HSPBP1: variants seen among roughly 807,000 people sequenced by gnomAD.
HSPBP1 encodes hsp70-binding protein 1.
HSPBP1 carries 31 observed loss-of-function variants against 41.7 expected under a neutral mutation model. The observed-to-expected ratio is 0.74, with a 90% CI of 0.56 to 1.00. The LOEUF (loss-of-function observed/expected upper bound fraction) is 1.00, where lower values mean the gene tolerates loss of function less well. HSPBP1 is among the 50% of genes least tolerant of loss of function. The pLI is 0.00. For missense variants in HSPBP1, 439 were observed against 487.9 expected, an observed-to-expected ratio of 0.90 and a Z score of 0.94; for synonymous variants, 199 against 214.4, an observed-to-expected ratio of 0.93 and a Z score of 0.63.
Position 55,279,651 on chromosome 19 carries a change from G to A in HSPBP1, c.-43C>T, listed in dbSNP as rs751212487. ...GGGAAGAATGTGTTAGAGGGAGAAG[G>A]TGGTCACCGCTGAAGCAGCTCTGGC... On this transcript the variant is annotated 5_prime_UTR_variant, in exon 2 of 8. Coordinates refer to ENST00000433386, the MANE Select transcript of HSPBP1 (RefSeq NM_012267.5). The A allele has an allele frequency of 2.1e-5, 32 of 1,550,956 alleles. No individual in the cohort carries two copies. The highest frequency in any genetic ancestry group is 2.4e-5 in the Non-Finnish European group (28 of 1,148,682).
intron 3 of HSPBP1, 93 bp from the exon 4 acceptor site, chr19:55,274,715 C>G: frequency 9.6e-7 from 1 of 1,046,430 alleles, no homozygotes; most frequent in Non-Finnish European, 1.4e-6. Flanking sequence ...CCCCCAGTAC[C>G]TTGGAATGTG....
chr19:55,280,095 C>T lies in HSPBP1; in HGVS notation c.-155G>A. ...ACAAAGTCGTCCGCACCTGACTCTGCTGGGCGCCGCCATCTTAACCGGAAA... is the reference window on the plus strand; with the variant it reads ...ACAAAGTCGTCCGCACCTGACTCTGTTGGGCGCCGCCATCTTAACCGGAAA... On this transcript the variant is annotated 5_prime_UTR_variant, in exon 1 of 8. Coordinates refer to ENST00000433386, the MANE Select transcript of HSPBP1 (RefSeq NM_012267.5). The T allele has an allele frequency of 4.6e-6, 1 of 217,886 alleles. No homozygotes were observed. The highest frequency in any genetic ancestry group is 9.3e-6 in the Non-Finnish European group (1 of 107,904). 13.5% of individuals were successfully genotyped at this position (217,886 alleles called of 1,614,324 possible).
At chr19:55,265,451 T>G in intron 6 of HSPBP1, 62 bp from the exon 7 acceptor site, 6 of 1,253,194 alleles carry the variant, frequency 4.8e-6, no homozygotes, top group Non-Finnish European at 5.8e-6. Context: ...GACCCAACCC[T>G]ATCGCCCGCC....
Position 55,265,356 on chromosome 19 carries a change from C to G in HSPBP1, c.927G>C (p.Glu309Asp), listed in dbSNP as rs1199095248. 5.0e-6 allele frequency: 8 copies of G among 1,613,322 alleles called. No homozygotes were observed. The highest frequency in any genetic ancestry group is 6.8e-6 in the Non-Finnish European group (8 of 1,179,906). Residue 309 changes from glutamate (E) to aspartate (D), a missense_variant, in exon 7 of 8, where the codon GAG (glutamate) becomes GAC (aspartate). Physicochemically the swap from Glu to Asp is conservative, Grantham distance 45. Transcript: ENST00000433386. Reference sequence around the variant, plus strand: ...CCAGGCCCAGTTCCGGCTCCCGACACTCGCGCACACCCTGCGGAAAGTCTG... The same window carrying G: ...CCAGGCCCAGTTCCGGCTCCCGACAGTCGCGCACACCCTGCGGAAAGTCTG... ...LVTDFPQGVR[E>D]CREPELGLEE... is the part of the protein sequence containing the mutation.
intron 2 of HSPBP1, among the ~76,000 whole-genome samples, chr19:55,279,048 C>T (rs1220283852): frequency 6.6e-6 from 1 of 152,018 alleles, no homozygotes; most frequent in Admixed American, 6.6e-5. Flanking sequence ...AAAGTAGAAC[C>T]TCAGAACTAC....
intron 4 of HSPBP1, among the ~76,000 whole-genome samples, chr19:55,269,007 C>T (rs1428567568): frequency 6.6e-6 from 1 of 152,150 alleles, no homozygotes; most frequent in Non-Finnish European, 1.5e-5. Flanking sequence ...AAAGAACAGG[C>T]ATGCATGGAC....
intron 2 of HSPBP1, 113 bp downstream of exon 2, chr19:55,279,286 C>G: frequency 1.1e-6 from 1 of 889,754 alleles, no homozygotes; most frequent in Non-Finnish European, 1.7e-6. Flanking sequence ...GGTTTTCTGC[C>G]TCCCACCCAA....
chr19:55,279,599 C>G lies in HSPBP1; in HGVS notation c.10G>C (p.Glu4Gln), dbSNP rs2088177834. ...GGCAGGCGGCTCCCCCTTGAGCCTT[C>G]GTCTGACATGGGCCGTTTGTGAAGA... MSD[E>Q]GSRGSRLPLA... is the part of the protein sequence containing the mutation. The change falls in exon 2 of 8, where the codon GAA (glutamate) becomes CAA (glutamine). Residue 4 changes from glutamate to glutamine, a missense_variant. Physicochemically the swap from Glu to Gln is conservative, Grantham distance 29. Transcript: ENST00000433386. 1 of 1,589,782 alleles carries G rather than the reference C, an allele frequency of 6.3e-7. No individual in the cohort carries two copies. Among genetic ancestry groups the G allele is most frequent in the Non-Finnish European group, 8.6e-7 (1 of 1,168,340 alleles).
At position 55,262,456 on chromosome 19, in the gene HSPBP1, C is replaced by T. The variant is rs1235596760; in HGVS notation, c.*152G>A. 2.2e-5 allele frequency: 31 copies of T among 1,430,262 alleles called. No homozygotes were observed. The highest frequency in any genetic ancestry group is 2.6e-5 in the East Asian group (1 of 39,194). The allele number at this position is 1,430,262 out of a possible 1,614,324, so 88.6% of individuals were successfully genotyped here. A position where few individuals can be genotyped will look rare whatever the true frequency, so the allele number is the denominator to read the frequency against. On this transcript the variant is annotated 3_prime_UTR_variant, in exon 8 of 8. Transcript: ENST00000433386. ...TCCAAGGAGCTGGTGCCTTTCTCAG[C>T]GCCCCTTCCAGGGACTGCACAGAGA...
At position 55,265,261 on chromosome 19, in the gene HSPBP1, G is replaced by T; in HGVS notation, c.1005+17C>A. 1 of 1,507,206 alleles carries T rather than the reference G, an allele frequency of 6.6e-7. No individual in the cohort carries two copies. The highest frequency in any genetic ancestry group is 9.0e-7 in the Non-Finnish European group (1 of 1,113,304). The allele number at this position is 1,507,206 out of a possible 1,614,324, so 93.4% of individuals were successfully genotyped here. On this transcript the variant is annotated intron_variant, in intron 7 of 7. Coordinates refer to ENST00000433386, the MANE Select transcript of HSPBP1 (RefSeq NM_012267.5). ...TTGCACCTGGTCCTCCTTGCACCCC[G>T]TCCCCTCCCCATGTACCTGGTACTC... is the stretch of plus-strand genomic sequence containing the variant.
chr19:55,267,669 C>A (rs2087823846), intron 4 of HSPBP1, among the ~76,000 whole-genome samples: 1 of 152,144 alleles, frequency 6.6e-6, no homozygotes, highest in Non-Finnish European at 1.5e-5. Context: ...CCATGTTGGC[C>A]AGGCTGGTAT....
At chr19:55,274,936 C>T (rs1335713965) in intron 3 of HSPBP1, among the ~76,000 whole-genome samples, 3 of 152,178 alleles carry the variant, frequency 2.0e-5, no homozygotes, top group Non-Finnish European at 4.4e-5. Flanking sequence ...CTGCCCACAC[C>T]CTGATCTCAA....
Position 55,274,628 on chromosome 19 carries a change from C to T in HSPBP1, c.416-6G>A. On this transcript the variant is annotated splice_region_variant and splice_polypyrimidine_tract_variant and intron_variant, in intron 3 of 7. Coordinates refer to ENST00000433386, the MANE Select transcript of HSPBP1 (RefSeq NM_012267.5). ...GCCAGACAGCTGGCAGAAGTCTGTG[C>T]CACAGAGGGGAGCAGAGAGAGGCCA... The T allele has an allele frequency of 6.2e-7, 1 of 1,600,312 alleles. No homozygotes were observed. The highest frequency in any genetic ancestry group is 1.1e-5 in the South Asian group (1 of 90,692).
Position 55,265,362 on chromosome 19 carries a change from C to T in HSPBP1, c.921G>A (p.Val307=). The T allele has an allele frequency of 6.2e-7, 1 of 1,613,456 alleles. No homozygotes were observed. The highest frequency in any genetic ancestry group is 8.5e-7 in the Non-Finnish European group (1 of 1,179,890). Residue 307 remains valine (V), a synonymous_variant, in exon 7 of 8, where the codon GTG becomes GTA. Coordinates refer to ENST00000433386, the MANE Select transcript of HSPBP1 (RefSeq NM_012267.5). ...CCAGTTCCGGCTCCCGACACTCGCG[C>T]ACACCCTGCGGAAAGTCTGTCACCA... ...CSLVTDFPQG[V]RECREPELGL... is the part of the protein sequence containing the mutation.
chr19:55,278,377 ATGC>A (rs1221619186), intron 2 of HSPBP1, among the ~76,000 whole-genome samples: 1 of 152,200 alleles, frequency 6.6e-6, no homozygotes, highest in East Asian at 1.9e-4. Context: ...TGCCTGTTTC[ATGC>A]CTCACTGTTG....
At chr19:55,267,510 G>C (rs1600137138) in intron 4 of HSPBP1, among the ~76,000 whole-genome samples, 2 of 150,538 alleles carry the variant, frequency 1.3e-5, no homozygotes, top group Admixed American at 6.7e-5. Context: ...ATCCAGGCTA[G>C]AGTGCAGTGG....
chr19:55,275,269 A>G (rs538710274), intron 3 of HSPBP1, among the ~76,000 whole-genome samples: 14 of 152,316 alleles, frequency 9.2e-5, no homozygotes, highest in African/African-American at 3.4e-4. Flanking sequence ...TTTTGTAAAT[A>G]AAGTGGTATT....
intron 3 of HSPBP1, among the ~76,000 whole-genome samples, chr19:55,275,460 A>C (rs959502233): frequency 2.6e-5 from 4 of 152,124 alleles, no homozygotes; most frequent in Admixed American, 6.6e-5. Context: ...GATAAATATA[A>C]ACTGCTCTAG....
chr19:55,274,347 A>ACCCCCCCCCCCCCCCCCCCCCCCCCGGC, intron 4 of HSPBP1, 51 bp downstream of exon 4: 1 of 325,718 alleles, frequency 3.1e-6, no homozygotes, highest in Non-Finnish European at 5.7e-6. Context: ...CCCACCCGGC[A>ACCCCCCCCCCCCCCCCCCCCCCCCCGGC]CCCCCCCCCA....
Sources: allele counts gnomAD v4.1 joint callset (sites outside exome capture counted in the v4.1 genomes callset), GRCh38; gene constraint gnomAD v4.1.1; transcripts MANE v1.5; gene names NCBI Gene and HGNC (gene_info 2026-07-23, HGNC 2026-07-21).